Variants in BRAF observed in about 807,000 individuals in gnomAD.
BRAF encodes the protein serine/threonine-protein kinase B-raf.
Under a neutral mutation model 104.6 loss-of-function variants are expected in BRAF, and 16 were observed. The ratio of observed to expected loss-of-function variants is 0.15; its 90% CI spans 0.10 to 0.23. The LOEUF (loss-of-function observed/expected upper bound fraction) is 0.23. BRAF is among the 10% of genes least tolerant of loss of function. The pLI is 1.00. For synonymous variants in BRAF, 310 were observed against 341.6 expected (o/e 0.91, Z 1.02); for missense variants, 541 against 937.3 (o/e 0.58, Z 5.52).
intron 14 of BRAF, among the ~76,000 whole-genome samples, chr7:140,769,465 T>C (rs771902269): frequency 2.0e-4 from 31 of 152,216 alleles, no homozygotes; most frequent in Non-Finnish European, 4.0e-4. Context: ...CTTATTTCAG[T>C]ACTTTTACAT....
chr7:140,808,301 C>T (rs746192746), intron 4 of BRAF: 1 of 511,818 alleles, frequency 2.0e-6, no homozygotes, highest in South Asian at 1.5e-5. Context: ...TTCTTCAAGT[C>T]AGCTCCAGAA....
chr7:140,734,260 G>A, intron 19 of BRAF: 1 of 1,221,812 alleles, frequency 8.2e-7, no homozygotes, highest in African/African-American at 1.5e-5. Flanking sequence ...GTGGACATGT[G>A]ATAGCTGGCA....
At chr7:140,733,954 T>C in intron 19 of BRAF, 3 of 988,156 alleles carry the variant, frequency 3.0e-6, no homozygotes, top group Non-Finnish European at 3.6e-6. Flanking sequence ...GTTAAGACAT[T>C]TTACTCATGT....
At chr7:140,776,153 A>T (rs556650686) in intron 14 of BRAF, among the ~76,000 whole-genome samples, 25 of 152,322 alleles carry the variant, frequency 1.6e-4, no homozygotes, top group African/African-American at 6.0e-4. Flanking sequence ...ATAACATTAT[A>T]AAGATTAAAT....
At chr7:140,885,316 A>G (rs1266412526) in intron 1 of BRAF, among the ~76,000 whole-genome samples, 1 of 150,502 alleles carries the variant, frequency 6.6e-6, no homozygotes, top group Non-Finnish European at 1.5e-5. Context: ...AAGTGGCTTT[A>G]AAAAAAAAAA....
chr7:140,873,553 C>G (rs1330099637), intron 1 of BRAF, among the ~76,000 whole-genome samples: 2 of 152,114 alleles, frequency 1.3e-5, no homozygotes, highest in Non-Finnish European at 1.5e-5. Context: ...ATGTGTTCAG[C>G]TAGAGACTGT....
chr7:140,891,758 A>G (rs547833714), intron 1 of BRAF, among the ~76,000 whole-genome samples: 15 of 150,752 alleles, frequency 1.0e-4, no homozygotes, highest in East Asian at 5.8e-4. Flanking sequence ...GAAACCATTG[A>G]AAAAAAAAAT....
chr7:140,750,626 A>C (rs952959358), intron 16 of BRAF, among the ~76,000 whole-genome samples: 4 of 152,220 alleles, frequency 2.6e-5, no homozygotes, highest in African/African-American at 9.7e-5. Flanking sequence ...TCGCTTTGTC[A>C]TACATTTTGT....
In BRAF at chr7:140,745,165, A is replaced by G. The variant is rs565363688; in HGVS notation, c.2112+4122T>C. ...AGATTTTGATGTATATATTTCAAAA[A>G]GAGGGATATATATGTATCTAATATA... is the stretch of plus-strand genomic sequence containing the variant. On this transcript the variant is annotated intron_variant, in intron 17 of 19. Coordinates refer to ENST00000644969, the MANE Select transcript of BRAF (RefSeq NM_001374258.1). Among the ~76,000 whole-genome samples, 13 of 152,290 alleles carry G rather than the reference A, an allele frequency of 8.5e-5. No individual in the cohort carries two copies. The South Asian group carries it at 2.1e-3, about 24-fold the overall frequency.
intron 11 of BRAF, among the ~76,000 whole-genome samples, chr7:140,782,262 T>C (rs563032454): frequency 6.4e-4 from 97 of 152,336 alleles, no homozygotes; most frequent in African/African-American, 2.2e-3. Flanking sequence ...CAGGAATGTA[T>C]ATTACTGAAA....
intron 8 of BRAF, among the ~76,000 whole-genome samples, chr7:140,790,253 T>C (rs566638476): frequency 2.0e-5 from 3 of 152,340 alleles, no homozygotes; most frequent in Non-Finnish European, 4.4e-5. Context: ...CTTTCTCCAC[T>C]CTTACAAGTT....
intron 3 of BRAF, among the ~76,000 whole-genome samples, chr7:140,825,542 A>G (rs1176273301): frequency 1.3e-5 from 2 of 152,130 alleles, no homozygotes; most frequent in Admixed American, 1.3e-4. Flanking sequence ...TTTAGGTTTA[A>G]TTTTTACTTT....
chr7:140,727,917 G>A (rs1054125514), intron 19 of BRAF, among the ~76,000 whole-genome samples: 1 of 152,060 alleles, frequency 6.6e-6, no homozygotes, highest in Non-Finnish European at 1.5e-5. Context: ...CACCATGCCC[G>A]GCCAGCCATA....
intron 14 of BRAF, among the ~76,000 whole-genome samples, chr7:140,761,604 A>C (rs1427580676): frequency 2.0e-5 from 3 of 152,194 alleles, no homozygotes; most frequent in Non-Finnish European, 2.9e-5. Context: ...AAACTGGATA[A>C]AGAGTCAAGA....
intron 2 of BRAF, among the ~76,000 whole-genome samples, chr7:140,841,391 C>CGTAA: frequency 6.6e-6 from 1 of 152,134 alleles, no homozygotes; most frequent in East Asian, 1.9e-4. Context: ...TATTCCTAGG[C>CGTAA]ATACAGCCAG....
chr7:140,763,884 A>G (rs373316158), intron 14 of BRAF, among the ~76,000 whole-genome samples: 5 of 152,346 alleles, frequency 3.3e-5, no homozygotes, highest in Admixed American at 2.0e-4. Context: ...AGGAACTGGT[A>G]CCATTCCTTC....
intron 8 of BRAF, among the ~76,000 whole-genome samples, chr7:140,788,725 A>T (rs1801642055): frequency 6.6e-6 from 1 of 151,968 alleles, no homozygotes; most frequent in Admixed American, 6.6e-5. Flanking sequence ...AATACCTGGG[A>T]CTACAAGCAC....
In BRAF at chr7:140,724,507, A is replaced by G. The variant is rs1391734816; in HGVS notation, c.*1987T>C. 9 of 1,049,890 alleles carry G rather than the reference A, an allele frequency of 8.6e-6. No individual in the cohort carries two copies. Among genetic ancestry groups the G allele is most frequent in the Non-Finnish European group, 9.2e-6 (8 of 869,814 alleles). The allele number at this position is 1,049,890 out of a possible 1,614,324, so 65.0% of individuals were successfully genotyped here. ...TGTAAGACACTGCCCTGCTGATGTA[A>G]AACTTAAAAACAAATTTGCTTTTCA... On this transcript the variant is annotated 3_prime_UTR_variant, in exon 20 of 20. Coordinates refer to ENST00000644969, the MANE Select transcript of BRAF (RefSeq NM_001374258.1).
intron 3 of BRAF, chr7:140,833,867 A>G (rs1398265057): frequency 2.0e-5 from 3 of 150,888 alleles, no homozygotes; most frequent in East Asian, 3.9e-4. Context: ...CTATAATAAC[A>G]TTTTTTTTTC....
Sources: allele counts gnomAD v4.1 joint callset (sites outside exome capture counted in the v4.1 genomes callset), GRCh38; gene constraint gnomAD v4.1.1; transcripts MANE v1.5; gene names NCBI Gene and HGNC (gene_info 2026-07-23, HGNC 2026-07-21).